Variants in KCNJ6 observed in about 807,000 individuals in gnomAD.
KCNJ6 encodes G protein-activated inward rectifier potassium channel 2.
In KCNJ6, 9 loss-of-function variants were observed where a neutral mutation model predicts 34.2. That is an observed-to-expected ratio of 0.26 (90% CI 0.16 to 0.46). The LOEUF (loss-of-function observed/expected upper bound fraction) is 0.46, where lower values mean the gene tolerates loss of function less well. Ranked by LOEUF, KCNJ6 falls within the 20% of genes least tolerant of loss-of-function variation. The pLI is 1.00. For missense variants in KCNJ6, 236 were observed against 531.3 expected, an observed-to-expected ratio of 0.44 and a Z score of 5.46; for synonymous variants, 196 against 207.1, an observed-to-expected ratio of 0.95 and a Z score of 0.46.
chr21:37,913,522 A>G (rs555247983), intron 1 of KCNJ6, among the ~76,000 whole-genome samples: 1 of 152,298 alleles, frequency 6.6e-6, no homozygotes, highest in Admixed American at 6.5e-5. Context: ...TAGGACCCTT[A>G]GAAAGAATTT....
intron 2 of KCNJ6, among the ~76,000 whole-genome samples, chr21:37,727,341 G>A (rs1294853751): frequency 3.9e-5 from 6 of 152,158 alleles, no homozygotes; most frequent in East Asian, 1.9e-4. Context: ...GGGGTCTAAG[G>A]CAGATTGCAG....
intron 1 of KCNJ6, among the ~76,000 whole-genome samples, chr21:37,914,871 T>C (rs1020705606): frequency 5.3e-5 from 8 of 151,578 alleles, no homozygotes; most frequent in African/African-American, 1.9e-4. Flanking sequence ...GGAAACACTC[T>C]AAACATATAA....
At chr21:37,907,168 G>T (rs1255935366) in intron 1 of KCNJ6, among the ~76,000 whole-genome samples, 1 of 152,204 alleles carries the variant, frequency 6.6e-6, no homozygotes, top group Non-Finnish European at 1.5e-5. Flanking sequence ...ACTGAAGGTA[G>T]TGTGTTGACA....
intron 1 of KCNJ6, among the ~76,000 whole-genome samples, chr21:37,866,179 G>A (rs1213411922): frequency 6.6e-6 from 1 of 152,080 alleles, no homozygotes; most frequent in South Asian, 2.1e-4. Context: ...TCTGTGGATG[G>A]TGGATTCAGT....
chr21:37,890,796 C>T (rs985829264), intron 1 of KCNJ6, among the ~76,000 whole-genome samples: 1 of 152,122 alleles, frequency 6.6e-6, no homozygotes, highest in Non-Finnish European at 1.5e-5. Flanking sequence ...CAGGAGAACA[C>T]TGCCTCTGAC....
At chr21:37,906,475 G>A (rs2055842089) in intron 1 of KCNJ6, among the ~76,000 whole-genome samples, 1 of 152,208 alleles carries the variant, frequency 6.6e-6, no homozygotes, top group Non-Finnish European at 1.5e-5. Flanking sequence ...CCTTTAGAGT[G>A]CATCAGAATC....
Position 37,612,363 on chromosome 21 carries a change from T to C in KCNJ6, c.*12796A>G, listed in dbSNP as rs1351289757. 6.6e-6 allele frequency: 1 copy of C among 152,192 alleles called. No individual in the cohort carries two copies. Among genetic ancestry groups the C allele is most frequent in the Admixed American group, 6.5e-5 (1 of 15,278 alleles). 9.4% of individuals were successfully genotyped at this position (152,192 alleles called of 1,614,324 possible). A position where few individuals can be genotyped will look rare whatever the true frequency, so the allele number is the denominator to read the frequency against. On this transcript the variant is annotated 3_prime_UTR_variant, in exon 4 of 4. Transcript: ENST00000609713. ...CTGGTGAATGATATCAAAGAAGAAC[T>C]AAGTAAATACAGAGATATTCCATTT...
In KCNJ6 at chr21:37,624,913, G is replaced by A. The variant is rs2054303952; in HGVS notation, c.*246C>T. On this transcript the variant is annotated 3_prime_UTR_variant, in exon 4 of 4. Transcript: ENST00000609713. Reference sequence around the variant, plus strand: ...TTGGATGTGTAGTATTTTGGGAGGAGACCAGGCTTGGGCCACAAATGAGGG... The same window carrying A: ...TTGGATGTGTAGTATTTTGGGAGGAAACCAGGCTTGGGCCACAAATGAGGG... The A allele has an allele frequency of 1.9e-6, 1 of 536,840 alleles. No individual in the cohort carries two copies. Among genetic ancestry groups the A allele is most frequent in the Non-Finnish European group, 3.3e-6 (1 of 303,428 alleles). The allele number at this position is 536,840 out of a possible 1,614,324, so 33.3% of individuals were successfully genotyped here. A position where few individuals can be genotyped will look rare whatever the true frequency, so the allele number is the denominator to read the frequency against.
chr21:37,648,695 C>T (rs1338396358), intron 3 of KCNJ6, among the ~76,000 whole-genome samples: 1 of 152,120 alleles, frequency 6.6e-6, no homozygotes, highest in Non-Finnish European at 1.5e-5. Context: ...GTGGATGCCA[C>T]CTGACAAAAT....
At chr21:37,729,562 G>A (rs1029729728) in intron 2 of KCNJ6, among the ~76,000 whole-genome samples, 4 of 152,146 alleles carry the variant, frequency 2.6e-5, no homozygotes, top group African/African-American at 7.2e-5. Context: ...GAGCTCAAGC[G>A]ATTCACCCAC....
chr21:37,877,105 A>C (rs2055682588), intron 1 of KCNJ6, among the ~76,000 whole-genome samples: 1 of 152,352 alleles, frequency 6.6e-6, no homozygotes, highest in South Asian at 2.1e-4. Flanking sequence ...CACTATTTGC[A>C]TGTGCTATAG....
At chr21:37,763,378 G>A (rs1471490327) in intron 2 of KCNJ6, among the ~76,000 whole-genome samples, 1 of 152,158 alleles carries the variant, frequency 6.6e-6, no homozygotes, top group Non-Finnish European at 1.5e-5. Context: ...CCATCACCTC[G>A]TCTTCCTTTC....
At chr21:37,814,908 A>G (rs1248905060) in intron 2 of KCNJ6, among the ~76,000 whole-genome samples, 1 of 151,522 alleles carries the variant, frequency 6.6e-6, no homozygotes, top group Non-Finnish European at 1.5e-5. Context: ...AAAAAAAAAA[A>G]AAAAAAAAGA....
At chr21:37,686,017 C>G (rs1709829) in intron 3 of KCNJ6, among the ~76,000 whole-genome samples, 5 of 151,974 alleles carry the variant, frequency 3.3e-5, no homozygotes, top group Admixed American at 2.6e-4. Context: ...AGAAAGGCAC[C>G]CAAGTGACAG....
At chr21:37,866,627 C>T (rs141549948) in intron 1 of KCNJ6, among the ~76,000 whole-genome samples, 132 of 11,670 alleles carry the variant, frequency 0.011, no homozygotes, top group African/African-American at 0.045. Context: ...GGAGAATGAG[C>T]AAGAAAAGTG....
At position 37,724,100 on chromosome 21, in the gene KCNJ6, G is replaced by A. The variant is rs562891226; in HGVS notation, c.26-8969C>T. 3.3e-5 allele frequency among the ~76,000 whole-genome samples: 5 copies of A among 152,314 alleles called. No individual in the cohort carries two copies. The South Asian group carries it at 1.0e-3, about 32-fold the overall frequency. On this transcript the variant is annotated intron_variant, in intron 2 of 3. Coordinates refer to ENST00000609713, the MANE Select transcript of KCNJ6 (RefSeq NM_002240.5). ...AAGAGAGGTGGATGAAGCCCACGCTGGGCCCTGAAGTCCTCTGTGCTAGAC... is the reference window on the plus strand; with the variant it reads ...AAGAGAGGTGGATGAAGCCCACGCTAGGCCCTGAAGTCCTCTGTGCTAGAC...
At position 37,885,767 on chromosome 21, in the gene KCNJ6, G is replaced by T. The variant is rs1287160511; in HGVS notation, c.-28+30117C>A. On this transcript the variant is annotated intron_variant, in intron 1 of 3. Transcript: ENST00000609713. ...ATGAATGCAGCCCTGCTAACACCTT[G>T]ATTTCAGCCTTGGGCAAAGCCCAGC... Among the ~76,000 whole-genome samples the T allele has an allele frequency of 2.6e-5, 4 of 152,204 alleles. No homozygotes were observed. In the East Asian group the frequency reaches 7.7e-4, roughly 29 times the overall value.
chr21:37,731,195 G>GTGTT (rs1311353527), intron 2 of KCNJ6, among the ~76,000 whole-genome samples: 1 of 152,106 alleles, frequency 6.6e-6, no homozygotes, highest in East Asian at 1.9e-4. Context: ...CCTCACTCCT[G>GTGTT]TGTTAATAGA....
intron 2 of KCNJ6, among the ~76,000 whole-genome samples, chr21:37,785,441 T>A (rs952433179): frequency 6.6e-6 from 1 of 152,238 alleles, no homozygotes; most frequent in Non-Finnish European, 1.5e-5. Flanking sequence ...CTGACAGGCA[T>A]CCATGTCTTA....
Sources: allele counts gnomAD v4.1 joint callset (sites outside exome capture counted in the v4.1 genomes callset), GRCh38; gene constraint gnomAD v4.1.1; transcripts MANE v1.5; gene names NCBI Gene and HGNC (gene_info 2026-07-23, HGNC 2026-07-21).